ZMYM1: variants seen among roughly 807,000 people sequenced by gnomAD.
ZMYM1 encodes the protein zinc finger MYM-type containing 1, also known as zinc finger MYM-type protein 1.
A neutral mutation model predicts 60.0 loss-of-function variants in ZMYM1; 39 were observed. The ratio of observed to expected loss-of-function variants is 0.65; its 90% CI spans 0.50 to 0.85. ZMYM1 has a LOEUF of 0.85. Ranked by LOEUF, ZMYM1 falls within the 40% of genes least tolerant of loss-of-function variation. The probability of loss-of-function intolerance (pLI) is 0.00; values close to 1 mark genes in which losing one functional copy is unlikely to be tolerated. For missense variants in ZMYM1, 1,171 were observed against 1,309.5 expected (o/e 0.89, Z 1.63); for synonymous variants, 413 against 454.0 (o/e 0.91, Z 1.15).
At chr1:35,067,960 T>G (rs549940541) in intron 1 of ZMYM1, among the ~76,000 whole-genome samples, 2 of 152,112 alleles carry the variant, frequency 1.3e-5, no homozygotes, top group African/African-American at 4.8e-5. Flanking sequence ...TGAAAAAATT[T>G]TTTAAATTGT....
At chr1:35,082,253 G>GC (rs1392249130) in intron 1 of ZMYM1, among the ~76,000 whole-genome samples, 1 of 148,108 alleles carries the variant, frequency 6.8e-6, no homozygotes, top group Non-Finnish European at 1.5e-5. Flanking sequence ...AGTTTCTTTT[G>GC]CGGGGGGTGA....
At chr1:35,075,413 C>T (rs999003539), upstream of ZMYM1, among the ~76,000 whole-genome samples, 3 of 151,564 alleles carry the variant, frequency 2.0e-5, no homozygotes, top group African/African-American at 7.3e-5. Flanking sequence ...CTCATTGCAA[C>T]CTCTGCCTCC....
chr1:35,064,886 A>ATGTTGG (rs1473246064), intron 1 of ZMYM1, among the ~76,000 whole-genome samples: 1 of 151,608 alleles, frequency 6.6e-6, no homozygotes, highest in Non-Finnish European at 1.5e-5. Flanking sequence ...GCAGGGTTTC[A>ATGTTGG]CCGTGGTCTC....
At chr1:35,086,974 C>T (rs926858734) in intron 1 of ZMYM1, among the ~76,000 whole-genome samples, 2 of 147,534 alleles carry the variant, frequency 1.4e-5, no homozygotes, top group Non-Finnish European at 3.0e-5. Context: ...TGAGCCACCG[C>T]ACCCAGCCTT....
intron 1 of ZMYM1, among the ~76,000 whole-genome samples, chr1:35,068,746 A>T (rs529695267): frequency 3.5e-4 from 53 of 152,022 alleles, no homozygotes; most frequent in African/African-American, 1.2e-3. Context: ...AAACTATAAA[A>T]TTTTTGGAAT....
downstream of ZMYM1, chr1:35,115,898 G>A (rs527721552): frequency 9.2e-5 from 14 of 152,268 alleles, 1 homozygote; most frequent in Middle Eastern, 3.4e-3. Context: ...TAAAAATGGC[G>A]TTTTAATCTC....
chr1:35,085,959 G>A (rs1199445786), intron 1 of ZMYM1, among the ~76,000 whole-genome samples: 3 of 152,182 alleles, frequency 2.0e-5, no homozygotes, highest in Non-Finnish European at 4.4e-5. Context: ...CCATCCTCCT[G>A]CCGTGACAAA....
chr1:35,113,973 G>A lies in ZMYM1; in HGVS notation c.2143G>A (p.Ala715Thr). ...TGATATGGATAAAATACATGGCCAG[G>A]CCTATGATAGCACCACTAATTTGAA... Reference protein sequence around the residue: ...GVDMDKIHGQAYDSTTNLKIK... With the variant: ...GVDMDKIHGQTYDSTTNLKIK... The change falls in exon 10 of 10, where the codon GCC becomes ACC. Residue 715 changes from alanine to threonine, a missense_variant. By Grantham distance (58) the Ala-to-Thr change is moderately conservative. Transcript: ENST00000359858. 1.2e-6 allele frequency: 2 copies of A among 1,612,200 alleles called. No homozygotes were observed. The highest frequency in any genetic ancestry group is 1.3e-5 in the African/African-American group (1 of 74,944).
At chr1:35,064,003 G>A (rs922043320) in intron 1 of ZMYM1, among the ~76,000 whole-genome samples, 12 of 152,092 alleles carry the variant, frequency 7.9e-5, no homozygotes, top group African/African-American at 2.9e-4. Context: ...TAGATATCCA[G>A]TACATCTGTA....
intron 1 of ZMYM1, among the ~76,000 whole-genome samples, chr1:35,086,597 T>C (rs531524299): frequency 9.8e-5 from 15 of 152,302 alleles, no homozygotes; most frequent in South Asian, 4.1e-4. Flanking sequence ...GTGAATCTTA[T>C]TCATCGTCAT....
chr1:35,107,718 G>A (rs1332349906), intron 6 of ZMYM1, among the ~76,000 whole-genome samples: 1 of 151,916 alleles, frequency 6.6e-6, no homozygotes, highest in Non-Finnish European at 1.5e-5. Flanking sequence ...TTAAAAAGTG[G>A]ATTATTAGAT....
intron 4 of ZMYM1, among the ~76,000 whole-genome samples, chr1:35,099,597 A>G (rs1022109389): frequency 1.3e-5 from 2 of 152,226 alleles, no homozygotes; most frequent in African/African-American, 4.8e-5. Flanking sequence ...GCCATCCATG[A>G]TTCAGAGTAG....
chr1:35,112,581 A>AGT (rs200039427), intron 9 of ZMYM1, among the ~76,000 whole-genome samples: 1 of 34,720 alleles, frequency 2.9e-5, no homozygotes, highest in Non-Finnish European at 8.3e-5. Context: ...AATATATTAT[A>AGT]ATGTATATTT....
At chr1:35,100,335 T>C (rs1220608601) in intron 4 of ZMYM1, among the ~76,000 whole-genome samples, 1 of 152,008 alleles carries the variant, frequency 6.6e-6, no homozygotes, top group African/African-American at 2.4e-5. Flanking sequence ...AAGATGCGAT[T>C]TGTGGGCCAA....
chr1:35,108,723 T>A (rs964021767), intron 6 of ZMYM1, among the ~76,000 whole-genome samples: 3 of 147,124 alleles, frequency 2.0e-5, no homozygotes, highest in Admixed American at 6.7e-5. Context: ...TTTTTTTTTT[T>A]AGACTGAGTC....
At chr1:35,079,376 C>G (rs1324817332), upstream of ZMYM1, 1 of 151,730 alleles carries the variant, frequency 6.6e-6, no homozygotes, top group East Asian at 2.0e-4. Flanking sequence ...GGGGCGGGGT[C>G]GGCGGGGCCG....
At chr1:35,102,640 A>G (rs1336808133) in intron 4 of ZMYM1, among the ~76,000 whole-genome samples, 1 of 152,230 alleles carries the variant, frequency 6.6e-6, no homozygotes, top group Non-Finnish European at 1.5e-5. Context: ...TCAAGAAAAT[A>G]TCTGCAGATA....
downstream of ZMYM1, among the ~76,000 whole-genome samples, chr1:35,116,883 G>T (rs1396160029): frequency 9.2e-6 from 1 of 108,784 alleles, no homozygotes; most frequent in African/African-American, 3.5e-5. Context: ...TCGCTCTGTC[G>T]CCCAGGCGGG....
intron 6 of ZMYM1, among the ~76,000 whole-genome samples, 199 bp from the exon 7 acceptor site, chr1:35,110,095 T>C (rs1028434557): frequency 6.6e-6 from 1 of 152,206 alleles, no homozygotes; most frequent in African/African-American, 2.4e-5. Context: ...ATATATCTGA[T>C]AAATAATAAA....
Sources: allele counts gnomAD v4.1 joint callset (sites outside exome capture counted in the v4.1 genomes callset), GRCh38; gene constraint gnomAD v4.1.1; transcripts MANE v1.5; gene names NCBI Gene and HGNC (gene_info 2026-07-23, HGNC 2026-07-21).